TRIM37: variants seen among roughly 807,000 people sequenced by gnomAD.
TRIM37 encodes the protein E3 ubiquitin-protein ligase TRIM37.
Under a neutral mutation model 129.8 loss-of-function variants are expected in TRIM37, and 80 were observed. The observed-to-expected ratio is 0.62, with a 90% confidence interval of 0.51 to 0.74. The LOEUF (loss-of-function observed/expected upper bound fraction) is 0.74, where lower values mean the gene tolerates loss of function less well. Among genes scored for constraint, TRIM37 ranks in the 30% least tolerant of loss-of-function variants. TRIM37 has a pLI of 0.00. For synonymous variants in TRIM37, 389 were observed against 387.1 expected (o/e 1.00, Z -0.06); for missense variants, 1,054 against 1,176.5 (o/e 0.90, Z 1.52).
At chr17:59,052,909 C>T (rs1434119139) in intron 13 of TRIM37, among the ~76,000 whole-genome samples, 6 of 152,154 alleles carry the variant, frequency 3.9e-5, no homozygotes, top group East Asian at 1.9e-4. Flanking sequence ...GAGCCGAGAT[C>T]GCACCACTGC....
In TRIM37 at chr17:59,106,592, C is replaced by CCGCCCCACCTGCG. The variant is rs1220279244; in HGVS notation, c.-144_-132dup. 3.7e-6 allele frequency: 4 copies of CCGCCCCACCTGCG among 1,069,168 alleles called. No individual in the cohort carries two copies. Among genetic ancestry groups the CCGCCCCACCTGCG allele is most frequent in the African/African-American group, 1.6e-5 (1 of 63,764 alleles). 66.2% of individuals were successfully genotyped at this position (1,069,168 alleles called of 1,614,324 possible). A position where few individuals can be genotyped will look rare whatever the true frequency, so the allele number is the denominator to read the frequency against. On this transcript the variant is annotated 5_prime_UTR_variant, in exon 1 of 24. The change abolishes the stop of an existing upstream ORF in the 5' untranslated region. Coordinates refer to ENST00000262294, the MANE Select transcript of TRIM37 (RefSeq NM_015294.6). ...CGCCCACGTCAGGGGGCTCTGACAA[C>CCGCCCCACCTGCG]CGCCCCACCTGCGCGCCCCATCTCT...
chr17:59,022,977 T>A (rs1213557448), intron 19 of TRIM37, among the ~76,000 whole-genome samples: 1 of 152,158 alleles, frequency 6.6e-6, no homozygotes, highest in Non-Finnish European at 1.5e-5. Context: ...CCACTTAATA[T>A]TCGAATTTTT....
At chr17:58,994,639 G>A (rs1010411565), downstream of TRIM37, among the ~76,000 whole-genome samples, 8 of 152,096 alleles carry the variant, frequency 5.3e-5, no homozygotes, top group African/African-American at 1.4e-4. Context: ...ACACTATACC[G>A]TTTTATATAG....
rs72830719 is a variant in TRIM37 at position 59,078,174 on chromosome 17, A to C, written c.616+1580T>G. Among the ~76,000 whole-genome samples, 180 of 152,230 alleles carry C rather than the reference A, an allele frequency of 1.2e-3. 1 individual carries two copies. Among genetic ancestry groups the C allele is most frequent in the Non-Finnish European group, 2.2e-3 (149 of 68,008 alleles). ...ATTAGTGGCAGATATTATGGTATGAATTAAAAATCTGAGGCTTATAAGACT... is the reference window on the plus strand; with the variant it reads ...ATTAGTGGCAGATATTATGGTATGACTTAAAAATCTGAGGCTTATAAGACT... On this transcript the variant is annotated intron_variant, in intron 7 of 23. Transcript: ENST00000262294.
downstream of TRIM37, among the ~76,000 whole-genome samples, chr17:58,997,051 A>G (rs2033082842): frequency 6.6e-6 from 1 of 152,184 alleles, no homozygotes; most frequent in Admixed American, 6.5e-5. Flanking sequence ...CTGAGGAAAC[A>G]TGGTAACAAA....
intron 2 of TRIM37, among the ~76,000 whole-genome samples, chr17:59,097,616 A>G (rs2045030172): frequency 6.6e-6 from 1 of 152,110 alleles, no homozygotes; most frequent in East Asian, 1.9e-4. Flanking sequence ...CACACCTATA[A>G]TCCCAGCATT....
At chr17:58,976,212 ACT>A in the TRIM37 span, among the ~76,000 whole-genome samples, 1 of 152,192 alleles carries the variant, frequency 6.6e-6, no homozygotes, top group Non-Finnish European at 1.5e-5. Flanking sequence ...GCACAGGCTC[ACT>A]GTTAGGATGG....
At chr17:59,068,380 A>T (rs781171430) in intron 9 of TRIM37, among the ~76,000 whole-genome samples, 1 of 152,224 alleles carries the variant, frequency 6.6e-6, no homozygotes, top group Non-Finnish European at 1.5e-5. Flanking sequence ...TTTCAGACAA[A>T]TGCCACACAT....
chr17:59,064,656 C>T (rs1857401843), intron 9 of TRIM37, among the ~76,000 whole-genome samples: 1 of 152,154 alleles, frequency 6.6e-6, no homozygotes, highest in African/African-American at 2.4e-5. Context: ...CCCCTATAAT[C>T]CCAGCACTCT....
rs748661347 is a variant in TRIM37, at chr17:59,051,227, T to C, written c.1301A>G (p.Asn434Ser). ...AAQTSYIQQI[N>S]NLKERLTIEL... ...ATATTTTCTTACCTCTTTAAGGTTG[T>C]TTATTTGTTGGATATAACTAGTCTG... Residue 434 changes from asparagine to serine, a missense_variant, in exon 14 of 24, where the codon AAC becomes AGC. Physicochemically the swap from Asn to Ser is conservative, Grantham distance 46. Coordinates refer to ENST00000262294, the MANE Select transcript of TRIM37 (RefSeq NM_015294.6). 8 of 1,608,132 alleles carry C rather than the reference T, an allele frequency of 5.0e-6. No homozygotes were observed. Among genetic ancestry groups the C allele is most frequent in the South Asian group, 3.3e-5 (3 of 90,954 alleles).
Position 59,051,252 on chromosome 17 carries a change from G to A in TRIM37, c.1276C>T (p.Gln426Ter), listed in dbSNP as rs201308709. 1 of 1,613,626 alleles carries A rather than the reference G, an allele frequency of 6.2e-7. No individual in the cohort carries two copies. The highest frequency in any genetic ancestry group is 8.5e-7 in the Non-Finnish European group (1 of 1,179,676). The change falls in exon 14 of 24, where the codon CAG becomes TAG. Residue 426 changes from glutamine (Q) to a stop codon, truncating the protein, a stop_gained. Transcript: ENST00000262294. LOFTEE classifies it high-confidence loss of function. Reference protein sequence around the residue: ...HWYITQLEAAQTSYIQQINNL... With the variant: ...HWYITQLEAA ...TTTATTTGTTGGATATAACTAGTCTGTGCAGCTTCCAACTGAGTAATGTAC... is the reference window on the plus strand; with the variant it reads ...TTTATTTGTTGGATATAACTAGTCTATGCAGCTTCCAACTGAGTAATGTAC...
intron 19 of TRIM37, among the ~76,000 whole-genome samples, chr17:59,026,405 C>T (rs900192384): frequency 1.1e-4 from 16 of 152,244 alleles, no homozygotes; most frequent in Non-Finnish European, 2.1e-4. Context: ...AGGAAAAACA[C>T]ATAAAATGGG....
intron 2 of TRIM37, among the ~76,000 whole-genome samples, chr17:59,094,972 T>C (rs1432326844): frequency 6.6e-6 from 1 of 152,146 alleles, no homozygotes; most frequent in Non-Finnish European, 1.5e-5. Context: ...TCCCAGCACT[T>C]TGGCAGGCCA....
At chr17:59,073,466 G>A (rs1003981907) in intron 8 of TRIM37, among the ~76,000 whole-genome samples, 3 of 151,956 alleles carry the variant, frequency 2.0e-5, no homozygotes, top group Admixed American at 2.0e-4. Context: ...GCTAAGTTTT[G>A]TATTTTTAGT....
At chr17:58,996,706 C>A (rs1490366743), downstream of TRIM37, among the ~76,000 whole-genome samples, 1 of 150,044 alleles carries the variant, frequency 6.7e-6, no homozygotes, top group Non-Finnish European at 1.5e-5. Flanking sequence ...GAAGCAGAGG[C>A]TGCAGTGAGC....
At chr17:59,085,563 G>A (rs1361560832) in intron 4 of TRIM37, among the ~76,000 whole-genome samples, 1 of 152,154 alleles carries the variant, frequency 6.6e-6, no homozygotes, top group Non-Finnish European at 1.5e-5. Flanking sequence ...AGGATGTGGA[G>A]AAACTGGAAC....
At chr17:59,031,352 C>A (rs978888990) in intron 18 of TRIM37, among the ~76,000 whole-genome samples, 1 of 151,970 alleles carries the variant, frequency 6.6e-6, no homozygotes, top group African/African-American at 2.4e-5. Context: ...CTTAGTTGTC[C>A]AAAATGACTC....
the TRIM37 span, chr17:58,972,020 A>G: frequency 1.7e-5 from 17 of 1,008,410 alleles, no homozygotes; most frequent in Middle Eastern, 6.0e-4. Context: ...GTGAAATTCC[A>G]TTATTAATAG....
chr17:59,091,568 A>T (rs867480996), intron 2 of TRIM37, among the ~76,000 whole-genome samples: 91 of 67,414 alleles, frequency 1.3e-3, no homozygotes, highest in East Asian at 0.012. Context: ...TTATATATAT[A>T]ATATATATAA....
Sources: allele counts gnomAD v4.1 joint callset (sites outside exome capture counted in the v4.1 genomes callset), GRCh38; gene constraint gnomAD v4.1.1; transcripts MANE v1.5; gene names NCBI Gene and HGNC (gene_info 2026-07-23, HGNC 2026-07-21).